Variants in HPSE2 observed in about 807,000 individuals in gnomAD.
HPSE2 encodes inactive heparanase-2.
A neutral mutation model predicts 60.5 loss-of-function variants in HPSE2; 38 were observed. The ratio of observed to expected loss-of-function variants is 0.63; its 90% CI spans 0.48 to 0.82. The LOEUF is 0.82. HPSE2 is among the 40% of genes least tolerant of loss of function. HPSE2 has a pLI of 0.00. For synonymous variants in HPSE2, 295 were observed against 293.2 expected, an observed-to-expected ratio of 1.01 and a Z score of -0.06; for missense variants, 713 against 740.4, an observed-to-expected ratio of 0.96 and a Z score of 0.43.
intron 3 of HPSE2, among the ~76,000 whole-genome samples, chr10:98,758,057 T>C (rs1292097979): frequency 6.6e-6 from 1 of 152,140 alleles, no homozygotes; most frequent in Non-Finnish European, 1.5e-5. Flanking sequence ...CATCCAATTT[T>C]CAACAACCTT....
chr10:98,709,951 C>T (rs1005223786), intron 5 of HPSE2, among the ~76,000 whole-genome samples: 3 of 152,156 alleles, frequency 2.0e-5, no homozygotes, highest in East Asian at 3.9e-4. Context: ...TGAGTACATA[C>T]TTTAATAAGA....
At chr10:98,795,003 G>A (rs1266853328) in intron 3 of HPSE2, among the ~76,000 whole-genome samples, 1 of 109,566 alleles carries the variant, frequency 9.1e-6, no homozygotes, top group Admixed American at 1.0e-4. Context: ...AGGGGAGGGA[G>A]GAAGGAGAGA....
At chr10:98,839,314 G>T (rs745917363) in intron 3 of HPSE2, among the ~76,000 whole-genome samples, 3 of 152,110 alleles carry the variant, frequency 2.0e-5, no homozygotes, top group Non-Finnish European at 2.9e-5. Context: ...ACTCCTATCA[G>T]ATTCAAACCC....
At chr10:99,195,582 GA>G (rs751445625) in intron 2 of HPSE2, among the ~76,000 whole-genome samples, 2 of 151,442 alleles carry the variant, frequency 1.3e-5, no homozygotes, top group Non-Finnish European at 3.0e-5. Context: ...ATCTGAAAAA[GA>G]AATCAAGAAA....
intron 3 of HPSE2, among the ~76,000 whole-genome samples, chr10:98,979,718 G>A (rs1332627742): frequency 3.3e-5 from 5 of 152,136 alleles, no homozygotes; most frequent in Non-Finnish European, 7.4e-5. Flanking sequence ...CAACTTTATA[G>A]TACAGAACTA....
chr10:99,226,367 C>T (rs973048419), intron 2 of HPSE2, among the ~76,000 whole-genome samples: 1 of 152,010 alleles, frequency 6.6e-6, no homozygotes, highest in Admixed American at 6.6e-5. Context: ...AATGTTGTCT[C>T]ACCAACTACA....
intron 10 of HPSE2, among the ~76,000 whole-genome samples, chr10:98,485,028 T>G (rs780678586): frequency 2.7e-4 from 41 of 152,164 alleles, no homozygotes; most frequent in Non-Finnish European, 1.2e-4. Flanking sequence ...CTTATAGAAA[T>G]AACACCCCTC....
rs575090570 is a variant in HPSE2, at chr10:98,986,003, A to G, written c.610+158235T>C. On this transcript the variant is annotated intron_variant, in intron 3 of 11. Transcript: ENST00000370552. ...CCAGATTCATAAAGCAAGTCCTTAG[A>G]GACCTACAAACAGACTTAGACTCCC... Among the ~76,000 whole-genome samples the G allele has an allele frequency of 9.2e-5, 14 of 152,302 alleles. No homozygotes were observed. In the South Asian group the frequency reaches 2.7e-3, roughly 29 times the overall value.
At chr10:99,172,812 A>C (rs546888258) in intron 2 of HPSE2, among the ~76,000 whole-genome samples, 18 of 152,244 alleles carry the variant, frequency 1.2e-4, no homozygotes, top group Non-Finnish European at 2.2e-4. Context: ...TGAGAGGCGG[A>C]GGTTACAGTG....
intron 3 of HPSE2, among the ~76,000 whole-genome samples, chr10:98,906,071 A>T (rs1389466566): frequency 6.6e-6 from 1 of 152,126 alleles, no homozygotes; most frequent in Non-Finnish European, 1.5e-5. Flanking sequence ...TCAATGTGAG[A>T]GTCTGAAGGT....
intron 9 of HPSE2, among the ~76,000 whole-genome samples, chr10:98,563,304 C>G (rs1944245159): frequency 6.6e-6 from 1 of 152,018 alleles, no homozygotes; most frequent in African/African-American, 2.4e-5. Context: ...AGTCAAAGAA[C>G]CTAGTTACAA....
At chr10:98,727,247 G>T (rs1949109614) in intron 4 of HPSE2, among the ~76,000 whole-genome samples, 1 of 152,016 alleles carries the variant, frequency 6.6e-6, no homozygotes, top group Admixed American at 6.6e-5. Context: ...TATTATACAT[G>T]AAAAAAATAG....
intron 2 of HPSE2, among the ~76,000 whole-genome samples, chr10:99,151,172 G>A (rs200156486): frequency 1.3e-5 from 2 of 151,772 alleles, no homozygotes; most frequent in East Asian, 3.9e-4. Flanking sequence ...AGATCAGCAA[G>A]AGGGGAATGG....
chr10:98,769,643 T>C (rs746465725), intron 3 of HPSE2, among the ~76,000 whole-genome samples: 16 of 152,126 alleles, frequency 1.1e-4, no homozygotes, highest in African/African-American at 2.7e-4. Context: ...TCTCCAAATA[T>C]TGTGATTCTA....
At chr10:98,859,605 T>C (rs1360290706) in intron 3 of HPSE2, among the ~76,000 whole-genome samples, 1 of 152,172 alleles carries the variant, frequency 6.6e-6, no homozygotes, top group African/African-American at 2.4e-5. Context: ...CTCAGGCCTT[T>C]GGACTTCAGG....
At chr10:99,116,132 T>C (rs1011087837) in intron 3 of HPSE2, among the ~76,000 whole-genome samples, 10 of 152,078 alleles carry the variant, frequency 6.6e-5, no homozygotes, top group Non-Finnish European at 1.2e-4. Flanking sequence ...TTTCAGACCT[T>C]TATTTCCCAG....
At chr10:98,935,975 G>A (rs1954777161) in intron 3 of HPSE2, among the ~76,000 whole-genome samples, 1 of 144,820 alleles carries the variant, frequency 6.9e-6, no homozygotes, top group South Asian at 2.1e-4. Context: ...GACTGGAGCT[G>A]GTGGACTCCT....
At chr10:99,212,393 G>A (rs149016275) in intron 2 of HPSE2, among the ~76,000 whole-genome samples, 43 of 151,964 alleles carry the variant, frequency 2.8e-4, no homozygotes, top group Admixed American at 1.6e-3. Context: ...CAATAGTCAA[G>A]ATAAAGAACC....
At chr10:99,137,502 G>C (rs894728743) in intron 3 of HPSE2, among the ~76,000 whole-genome samples, 2 of 152,134 alleles carry the variant, frequency 1.3e-5, no homozygotes. Flanking sequence ...TATACTACAA[G>C]GCTACAGTAA....
Sources: allele counts gnomAD v4.1 joint callset (sites outside exome capture counted in the v4.1 genomes callset), GRCh38; gene constraint gnomAD v4.1.1; transcripts MANE v1.5; gene names NCBI Gene and HGNC (gene_info 2026-07-23, HGNC 2026-07-21).